The following RGS7 variants were observed in gnomAD, a reference collection of about 807,000 sequenced individuals.
RGS7 encodes the protein regulator of G protein signaling 7.
In RGS7, 27 loss-of-function variants were observed where a neutral mutation model predicts 81.1. The observed-to-expected ratio is 0.33, with a 90% confidence interval of 0.25 to 0.46. The LOEUF (loss-of-function observed/expected upper bound fraction) is 0.46, where lower values mean the gene tolerates loss of function less well. Among genes scored for constraint, RGS7 ranks in the 20% least tolerant of loss-of-function variants. The pLI is 1.00. For synonymous variants in RGS7, 208 were observed against 207.7 expected, an observed-to-expected ratio of 1.00 and a Z score of -0.01; for missense variants, 396 against 607.4, an observed-to-expected ratio of 0.65 and a Z score of 3.66.
chr1:240,825,782 C>T (rs1400846317), intron 10 of RGS7, among the ~76,000 whole-genome samples: 3 of 152,062 alleles, frequency 2.0e-5, no homozygotes, highest in East Asian at 1.9e-4. Context: ...ATGTGAAACA[C>T]GAGAAAGATG....
At chr1:240,920,272 GT>G in intron 6 of RGS7, 1 of 1,299,448 alleles carries the variant, frequency 7.7e-7, no homozygotes, top group Non-Finnish European at 1.1e-6. Context: ...GATCGTGGTG[GT>G]GGTTTTGGTG....
At chr1:240,798,211 G>A (rs58384648) in intron 18 of RGS7, among the ~76,000 whole-genome samples, 1 of 151,966 alleles carries the variant, frequency 6.6e-6, no homozygotes, top group Non-Finnish European at 1.5e-5. Context: ...TATATTTTTT[G>A]GAAAATTGAA....
At chr1:241,259,607 G>A (rs930587840) in intron 2 of RGS7, among the ~76,000 whole-genome samples, 8 of 132,692 alleles carry the variant, frequency 6.0e-5, no homozygotes, top group Non-Finnish European at 9.3e-5. Context: ...CTGAGATTGC[G>A]CCATCGCACT....
At chr1:240,818,994 G>A (rs770279402) in intron 10 of RGS7, among the ~76,000 whole-genome samples, 1 of 152,114 alleles carries the variant, frequency 6.6e-6, no homozygotes, top group South Asian at 2.1e-4. Context: ...ACTCTGATTT[G>A]TTCATTCCAT....
chr1:240,921,954 G>A (rs989581850), intron 6 of RGS7, among the ~76,000 whole-genome samples: 8 of 151,918 alleles, frequency 5.3e-5, no homozygotes, highest in African/African-American at 1.9e-4. Flanking sequence ...AATACTGAAG[G>A]AATGCAATGA....
At chr1:240,908,955 C>T (rs558842676) in intron 6 of RGS7, among the ~76,000 whole-genome samples, 21 of 152,196 alleles carry the variant, frequency 1.4e-4, no homozygotes, top group Non-Finnish European at 2.9e-4. Context: ...ATTTGGAACG[C>T]ACGAACTAAA....
intron 18 of RGS7, among the ~76,000 whole-genome samples, chr1:240,785,159 A>G (rs1394014706): frequency 6.6e-6 from 1 of 152,222 alleles, no homozygotes; most frequent in African/African-American, 2.4e-5. Flanking sequence ...ACTTATAAAT[A>G]TAAACATCTT....
chr1:241,040,565 G>C (rs983324476), intron 3 of RGS7, among the ~76,000 whole-genome samples: 1 of 151,766 alleles, frequency 6.6e-6, no homozygotes, highest in Non-Finnish European at 1.5e-5. Flanking sequence ...GCAGTGGCGC[G>C]ATCTCGGCTC....
chr1:240,957,545 A>G (rs1210355609), intron 4 of RGS7, among the ~76,000 whole-genome samples: 1 of 152,222 alleles, frequency 6.6e-6, no homozygotes, highest in Non-Finnish European at 1.5e-5. Context: ...GGCTAATACA[A>G]GAGGCATGAC....
chr1:240,843,982 C>T (rs1035313045), intron 9 of RGS7, among the ~76,000 whole-genome samples: 2 of 152,104 alleles, frequency 1.3e-5, no homozygotes, highest in East Asian at 3.9e-4. Context: ...CAGACTGAGC[C>T]CATGTTGTTA....
intron 6 of RGS7, among the ~76,000 whole-genome samples, chr1:240,884,016 T>C (rs10926374): frequency 0.27 from 38,938 of 145,478 alleles, 5,395 homozygotes; most frequent in African/African-American, 0.37. Flanking sequence ...GCAGAGGTTG[T>C]AGTGAGCTGA....
At chr1:241,071,327 T>C (rs1287589815) in intron 3 of RGS7, among the ~76,000 whole-genome samples, 2 of 152,120 alleles carry the variant, frequency 1.3e-5, no homozygotes, top group Non-Finnish European at 2.9e-5. Context: ...CATTCTGTGG[T>C]CTCTATTAGG....
chr1:241,069,148 A>G (rs974555319), intron 3 of RGS7, among the ~76,000 whole-genome samples: 4 of 152,190 alleles, frequency 2.6e-5, no homozygotes, highest in African/African-American at 7.2e-5. Context: ...GTATTTCTTT[A>G]CAGCAAGAAT....
chr1:241,181,385 C>T (rs180870028), intron 2 of RGS7, among the ~76,000 whole-genome samples: 1 of 152,258 alleles, frequency 6.6e-6, no homozygotes, highest in African/African-American at 2.4e-5. Context: ...AAATAAAATA[C>T]ATTTAAAACA....
rs74940637 is a variant in RGS7 at position 240,927,506 on chromosome 1, G to A, written c.385+3211C>T. On this transcript the variant is annotated intron_variant, in intron 6 of 18. Coordinates refer to ENST00000440928, the MANE Select transcript of RGS7 (RefSeq NM_001364886.1). Reference sequence around the variant, plus strand: ...ACCATCAATATCCTCTTTAAAAGCCGGGAGTGAGGTTTTATAAAAGTATGC... The same window carrying A: ...ACCATCAATATCCTCTTTAAAAGCCAGGAGTGAGGTTTTATAAAAGTATGC... Among the ~76,000 whole-genome samples the A allele has an allele frequency of 6.1e-3, 923 of 152,258 alleles. 13 individuals are homozygous for A. The highest frequency in any genetic ancestry group is 0.021 in the African/African-American group (871 of 41,552).
chr1:240,924,937 G>A (rs953418413), intron 6 of RGS7, among the ~76,000 whole-genome samples: 5 of 152,164 alleles, frequency 3.3e-5, no homozygotes, highest in African/African-American at 1.2e-4. Context: ...AAGTTCAAAT[G>A]GACAAGGATT....
intron 3 of RGS7, among the ~76,000 whole-genome samples, chr1:241,094,746 G>T: frequency 6.6e-6 from 1 of 152,228 alleles, no homozygotes; most frequent in African/African-American, 2.4e-5. Flanking sequence ...TCTTTGACAT[G>T]ATCTGGGTCT....
intron 2 of RGS7, among the ~76,000 whole-genome samples, chr1:241,167,790 T>A (rs187190747): frequency 3.9e-5 from 6 of 152,158 alleles, no homozygotes; most frequent in Admixed American, 3.9e-4. Flanking sequence ...AGTACTGGGA[T>A]TACAGGGATG....
At chr1:241,277,591 C>T (rs1356734007) in intron 2 of RGS7, among the ~76,000 whole-genome samples, 1 of 151,088 alleles carries the variant, frequency 6.6e-6, no homozygotes, top group Non-Finnish European at 1.5e-5. Context: ...TGCACTCCAG[C>T]CTGGGCGATA....
Sources: allele counts gnomAD v4.1 joint callset (sites outside exome capture counted in the v4.1 genomes callset), GRCh38; gene constraint gnomAD v4.1.1; transcripts MANE v1.5; gene names NCBI Gene and HGNC (gene_info 2026-07-23, HGNC 2026-07-21).